The following QTGAL variants were observed in gnomAD, a reference collection of about 807,000 sequenced individuals.
QTGAL encodes the protein BGnT-like protein 1.
At chr17:82,945,163 G>T in the QTGAL span, 2 of 152,210 alleles carry the variant, frequency 1.3e-5, no homozygotes, top group South Asian at 4.1e-4. Context: ...AGAAATGTAA[G>T]AAGTGAAATG....
the QTGAL span, among the ~76,000 whole-genome samples, chr17:82,996,521 C>CAA: frequency 0.026 from 3,289 of 124,882 alleles, 50 homozygotes; most frequent in Non-Finnish European, 0.031. Flanking sequence ...GACTCTGCCT[C>CAA]AAAAAAAAAA....
the QTGAL span, among the ~76,000 whole-genome samples, chr17:82,986,938 C>A: frequency 6.6e-6 from 1 of 152,156 alleles, no homozygotes; most frequent in Non-Finnish European, 1.5e-5. Flanking sequence ...TGGCTGCCCC[C>A]GCTCCTCCCT....
chr17:83,005,183 G>GA, the QTGAL span: 1 of 1,610,022 alleles, frequency 6.2e-7, no homozygotes, highest in South Asian at 1.1e-5. This position sits in a 1 kb window ranked among gnomAD's most constrained non-coding sequence, Gnocchi z 5.6. Flanking sequence ...GAGTTAGGGG[G>GA]ATCTCTCCTC....
chr17:82,961,524 C>T, the QTGAL span, among the ~76,000 whole-genome samples: 4 of 152,320 alleles, frequency 2.6e-5, no homozygotes, highest in East Asian at 7.7e-4. Flanking sequence ...GCCACGGCTC[C>T]TGGATGGCTG....
chr17:82,959,601 C>T, the QTGAL span, among the ~76,000 whole-genome samples: 20 of 151,826 alleles, frequency 1.3e-4, no homozygotes, highest in African/African-American at 2.4e-4. Flanking sequence ...TGTCTCGGGG[C>T]GGGGGGACGA....
the QTGAL span, among the ~76,000 whole-genome samples, chr17:82,989,986 C>T: frequency 6.6e-5 from 10 of 152,122 alleles, no homozygotes; most frequent in African/African-American, 2.2e-4. Flanking sequence ...AATGGATAAC[C>T]GCTTTCTTTT....
chr17:82,957,228 C>T, the QTGAL span: 1 of 1,614,190 alleles, frequency 6.2e-7, no homozygotes, highest in East Asian at 2.2e-5. Flanking sequence ...TTGTTCTCGT[C>T]CACGTCACAG....
the QTGAL span, among the ~76,000 whole-genome samples, chr17:82,984,291 CG>C: frequency 1.2e-4 from 6 of 51,700 alleles, no homozygotes; most frequent in South Asian, 4.8e-4. Context: ...CGTGAGCACA[CG>C]GGGGAGAGGC....
At chr17:83,025,155 ACAGACACCGCGGAGTCCACACACG>A in the QTGAL span, among the ~76,000 whole-genome samples, 4 of 150,238 alleles carry the variant, frequency 2.7e-5, no homozygotes, top group African/African-American at 2.4e-5. Flanking sequence ...CCACACACAC[ACAGACACCGCGGAGTCCACACACG>A]GACACCGCGG....
the QTGAL span, among the ~76,000 whole-genome samples, chr17:82,957,992 G>A: frequency 6.6e-6 from 1 of 151,922 alleles, no homozygotes. Flanking sequence ...CTGCTGTCCC[G>A]GGGGGAGCAG....
At chr17:83,029,120 C>T in the QTGAL span, among the ~76,000 whole-genome samples, 161 of 152,304 alleles carry the variant, frequency 1.1e-3, no homozygotes, top group African/African-American at 3.8e-3. Flanking sequence ...AGTCTCTGCA[C>T]CTTGACTGGG....
the QTGAL span, among the ~76,000 whole-genome samples, chr17:82,985,447 G>A: frequency 6.6e-6 from 1 of 152,194 alleles, no homozygotes; most frequent in Non-Finnish European, 1.5e-5. Context: ...CTTGCTAAAG[G>A]AAAATTCTAT....
chr17:82,965,820 C>T, the QTGAL span: 1 of 1,413,688 alleles, frequency 7.1e-7, no homozygotes, highest in Non-Finnish European at 9.8e-7. Context: ...TTTATTTCCA[C>T]AAAGTGTCAC....
the QTGAL span, among the ~76,000 whole-genome samples, chr17:82,954,533 G>T: frequency 2.0e-5 from 3 of 152,056 alleles, no homozygotes; most frequent in Admixed American, 6.6e-5. Context: ...TGGATAGGAA[G>T]AATCAATATC....
chr17:82,984,976 C>T, the QTGAL span, among the ~76,000 whole-genome samples: 1 of 152,156 alleles, frequency 6.6e-6, no homozygotes, highest in Non-Finnish European at 1.5e-5. Flanking sequence ...CCAGAAGGGC[C>T]CAAGGCAACC....
chr17:82,946,465 C>T, the QTGAL span, among the ~76,000 whole-genome samples: 11 of 151,966 alleles, frequency 7.2e-5, no homozygotes, highest in Admixed American at 6.5e-5. Context: ...AAATTGATCA[C>T]CTACTACCAT....
chr17:82,956,732 C>T, the QTGAL span: 57 of 1,590,418 alleles, frequency 3.6e-5, no homozygotes, highest in South Asian at 4.1e-4. The surrounding 1 kb of genome is among the most constrained non-coding windows in gnomAD (Gnocchi z 5.7). Context: ...CCGGGCGGCT[C>T]GGAAGTGCAG....
chr17:83,049,828 T>C, the QTGAL span, among the ~76,000 whole-genome samples: 1 of 152,118 alleles, frequency 6.6e-6, no homozygotes, highest in Middle Eastern at 3.2e-3. Flanking sequence ...AACAAAAATT[T>C]ATAAAGTGGG....
the QTGAL span, among the ~76,000 whole-genome samples, chr17:82,993,549 C>T: frequency 6.6e-6 from 1 of 152,038 alleles, no homozygotes; most frequent in Non-Finnish European, 1.5e-5. Context: ...CTCTTCAACA[C>T]CTTCAATTTT....
Sources: gnomAD v4.1 joint callset for allele counts (sites outside exome capture counted in the v4.1 genomes callset) on GRCh38, gnomAD v4.1.1 for gene constraint, Gnocchi (gnomAD v3.1) non-coding constraint, MANE v1.5 for transcripts, NCBI Gene and HGNC (gene_info 2026-07-23, HGNC 2026-07-21) for gene names.